The following NPAS3 variants were observed in gnomAD, a reference collection of about 807,000 sequenced individuals.
The protein encoded by NPAS3 is neuronal PAS domain-containing protein 3.
In NPAS3, 14 loss-of-function variants were observed where a neutral mutation model predicts 73.1. The observed-to-expected ratio is 0.19, with a 90% CI of 0.13 to 0.30. NPAS3 has a LOEUF of 0.30. NPAS3 is among the 10% of genes least tolerant of loss of function. The pLI, the probability that NPAS3 is intolerant of heterozygous loss-of-function variation, is 1.00. For missense variants in NPAS3, 1,096 were observed against 1,250.0 expected, an observed-to-expected ratio of 0.88 and a Z score of 1.86; for synonymous variants, 620 against 541.5, an observed-to-expected ratio of 1.14 and a Z score of -2.01.
In NPAS3 at chr14:33,215,179, C is replaced by T. The variant is rs769594691; in HGVS notation, c.141-3C>T. The T allele has an allele frequency of 6.0e-5, 97 of 1,613,396 alleles. 1 individual carries two copies. The Middle Eastern group carries it at 1.7e-3, about 27-fold the overall frequency. On this transcript the variant is annotated splice_region_variant and splice_polypyrimidine_tract_variant and intron_variant, in intron 2 of 11. Transcript: ENST00000356141. ...CCACACATTCTCACTCCTTTGATTT[C>T]AGTTTACAAGCATTGAGAAAGGAGA...
intron 1 of NPAS3, among the ~76,000 whole-genome samples, chr14:33,033,137 A>G (rs903176101): frequency 1.3e-5 from 2 of 152,232 alleles, no homozygotes; most frequent in South Asian, 2.1e-4. Flanking sequence ...AAACAAAATT[A>G]AATTTTTAAT....
intron 3 of NPAS3, among the ~76,000 whole-genome samples, chr14:33,353,560 T>G (rs1015064911): frequency 7.2e-5 from 11 of 152,202 alleles, no homozygotes; most frequent in South Asian, 2.1e-4. Context: ...ATTGGTAGCA[T>G]GAAGTAAGTA....
intron 3 of NPAS3, among the ~76,000 whole-genome samples, chr14:33,313,256 T>A (rs1466523425): frequency 6.6e-6 from 1 of 152,126 alleles, no homozygotes; most frequent in Non-Finnish European, 1.5e-5. Flanking sequence ...GGAGAAACTC[T>A]GATCCAGAAA....
chr14:33,248,055 T>C (rs2139871017), intron 3 of NPAS3, among the ~76,000 whole-genome samples: 2 of 152,356 alleles, frequency 1.3e-5, no homozygotes, highest in East Asian at 3.9e-4. Flanking sequence ...CAGGGCAAGA[T>C]GCATGAGCTA....
intron 10 of NPAS3, among the ~76,000 whole-genome samples, chr14:33,797,056 A>G (rs2063533284): frequency 6.6e-6 from 1 of 152,182 alleles, no homozygotes; most frequent in Admixed American, 6.5e-5. Flanking sequence ...AAACAAAGGT[A>G]CTGAGGCCAT....
At chr14:33,326,739 A>C (rs892633895) in intron 3 of NPAS3, among the ~76,000 whole-genome samples, 9 of 152,230 alleles carry the variant, frequency 5.9e-5, no homozygotes, top group Admixed American at 2.0e-4. Context: ...AATGGGAAAT[A>C]TGATCTCTTG....
intron 1 of NPAS3, among the ~76,000 whole-genome samples, chr14:32,987,847 G>A (rs998203383): frequency 8.6e-5 from 13 of 152,026 alleles, no homozygotes; most frequent in Non-Finnish European, 1.9e-4. Context: ...TTAATTTGGA[G>A]CATTTCCATG....
intron 1 of NPAS3, among the ~76,000 whole-genome samples, chr14:32,988,620 T>A (rs140930767): frequency 0.034 from 5,123 of 152,248 alleles, 123 homozygotes; most frequent in Non-Finnish European, 0.055. Context: ...GGAGGTTGAA[T>A]CTGGTTTTAT....
At chr14:33,192,687 G>T (rs989066543) in intron 2 of NPAS3, among the ~76,000 whole-genome samples, 2 of 152,160 alleles carry the variant, frequency 1.3e-5, no homozygotes, top group East Asian at 3.9e-4. Context: ...AAATGATTCT[G>T]GTTAGTTGAA....
intron 6 of NPAS3, among the ~76,000 whole-genome samples, chr14:33,678,984 G>C (rs10131708): frequency 0.15 from 22,552 of 152,138 alleles, 3,439 homozygotes; most frequent in African/African-American, 0.37. Context: ...TCCTTCAACT[G>C]TTAACTCTCT....
chr14:33,228,766 T>C (rs1424913508), intron 3 of NPAS3, among the ~76,000 whole-genome samples: 1 of 152,142 alleles, frequency 6.6e-6, no homozygotes, highest in Non-Finnish European at 1.5e-5. Flanking sequence ...TAGGGTATTA[T>C]TCATGTTGAA....
intron 1 of NPAS3, among the ~76,000 whole-genome samples, chr14:32,951,961 G>C (rs1264158900): frequency 6.6e-6 from 1 of 151,894 alleles, no homozygotes; most frequent in Non-Finnish European, 1.5e-5. Flanking sequence ...GTAAATTAAT[G>C]ACTTTTAAAA....
At chr14:33,723,083 C>T (rs991199046) in intron 6 of NPAS3, among the ~76,000 whole-genome samples, 8 of 152,162 alleles carry the variant, frequency 5.3e-5, no homozygotes, top group African/African-American at 1.9e-4. Flanking sequence ...AGACCCCATA[C>T]CTAAGATGGC....
chr14:33,045,176 G>T (rs550858475), intron 1 of NPAS3, among the ~76,000 whole-genome samples: 7 of 152,162 alleles, frequency 4.6e-5, no homozygotes, highest in South Asian at 2.1e-4. Flanking sequence ...AGGGAGGCTG[G>T]GTATCTAATT....
chr14:33,550,995 T>G (rs1469848484), intron 4 of NPAS3, among the ~76,000 whole-genome samples: 1 of 152,196 alleles, frequency 6.6e-6, no homozygotes, highest in Non-Finnish European at 1.5e-5. Flanking sequence ...TGTATGTGGT[T>G]CTACTAAAAA....
intron 4 of NPAS3, among the ~76,000 whole-genome samples, chr14:33,556,074 C>A (rs887962128): frequency 4.6e-5 from 7 of 152,122 alleles, no homozygotes; most frequent in Non-Finnish European, 1.0e-4. Flanking sequence ...GTTGAAGCCT[C>A]TGTTTTTGCC....
At chr14:33,448,824 A>G (rs1451995233) in intron 4 of NPAS3, among the ~76,000 whole-genome samples, 3 of 152,166 alleles carry the variant, frequency 2.0e-5, no homozygotes, top group African/African-American at 7.2e-5. Flanking sequence ...ATAGCAGCAT[A>G]CAAGCATCTG....
intron 4 of NPAS3, among the ~76,000 whole-genome samples, chr14:33,527,149 C>G (rs1317075117): frequency 1.3e-5 from 2 of 152,104 alleles, no homozygotes; most frequent in Non-Finnish European, 2.9e-5. Context: ...TCCTTCTTCC[C>G]CATTTATGAT....
chr14:33,487,074 T>TA (rs2051642670), intron 4 of NPAS3, among the ~76,000 whole-genome samples: 1 of 152,200 alleles, frequency 6.6e-6, no homozygotes, highest in African/African-American at 2.4e-5. Flanking sequence ...ACGTATTTCT[T>TA]ACATGTGAGG....
Sources: gnomAD v4.1 joint callset for allele counts (sites outside exome capture counted in the v4.1 genomes callset) on GRCh38, gnomAD v4.1.1 for gene constraint, MANE v1.5 for transcripts, NCBI Gene and HGNC (gene_info 2026-07-23, HGNC 2026-07-21) for gene names.